DTNB: variants seen among roughly 807,000 people sequenced by gnomAD.
The protein encoded by DTNB is dystrobrevin beta.
Under a neutral mutation model 90.7 loss-of-function variants are expected in DTNB, and 63 were observed. The ratio of observed to expected loss-of-function variants is 0.69; its 90% CI spans 0.57 to 0.86. The LOEUF is 0.86. Ranked by LOEUF, DTNB falls within the 40% of genes least tolerant of loss-of-function variation. The probability of loss-of-function intolerance (pLI) is 0.00; values close to 1 mark genes in which losing one functional copy is unlikely to be tolerated. For synonymous variants in DTNB, 277 were observed against 286.7 expected, an observed-to-expected ratio of 0.97 and a Z score of 0.34; for missense variants, 744 against 807.1, an observed-to-expected ratio of 0.92 and a Z score of 0.95.
At chr2:25,563,253 G>A (rs191119225) in intron 8 of DTNB, among the ~76,000 whole-genome samples, 14 of 152,204 alleles carry the variant, frequency 9.2e-5, no homozygotes, top group East Asian at 1.9e-4. Flanking sequence ...AACTGATAAC[G>A]ACCATTCTAT....
intron 16 of DTNB, among the ~76,000 whole-genome samples, chr2:25,416,329 G>C (rs1001122516): frequency 6.6e-6 from 1 of 152,218 alleles, no homozygotes; most frequent in African/African-American, 2.4e-5. Flanking sequence ...GTTTTGGGAA[G>C]CACATCTAAT....
chr2:25,596,279 AATATC>A, intron 5 of DTNB, 39 bp from the exon 6 acceptor site: 1 of 1,549,794 alleles, frequency 6.5e-7, no homozygotes, highest in Non-Finnish European at 8.7e-7. Context: ...GCTATAAGGA[AATATC>A]AGCTTTTTAT....
At chr2:25,487,823 A>G (rs1024430651) in intron 9 of DTNB, among the ~76,000 whole-genome samples, 2 of 152,214 alleles carry the variant, frequency 1.3e-5, no homozygotes, top group African/African-American at 4.8e-5. Flanking sequence ...CTGGAAACGC[A>G]TGTGGAAAGG....
intron 9 of DTNB, among the ~76,000 whole-genome samples, chr2:25,526,395 A>ATATTTTTTTTTT: frequency 1.0e-4 from 5 of 49,856 alleles, no homozygotes; most frequent in African/African-American, 4.9e-4. Flanking sequence ...ATATATATAT[A>ATATTTTTTTTTT]TTTTTTTTTT....
chr2:25,431,019 T>C (rs2053682016), intron 14 of DTNB, among the ~76,000 whole-genome samples: 2 of 152,206 alleles, frequency 1.3e-5, no homozygotes, highest in African/African-American at 4.8e-5. Flanking sequence ...TGGCCTCATA[T>C]ATACTGATCA....
intron 9 of DTNB, among the ~76,000 whole-genome samples, chr2:25,490,024 C>T (rs1294667552): frequency 6.6e-6 from 1 of 152,142 alleles, no homozygotes; most frequent in Non-Finnish European, 1.5e-5. Flanking sequence ...GCCTGTAATC[C>T]CAGCACTCTG....
At chr2:25,664,623 C>A (rs2083985528) in intron 1 of DTNB, among the ~76,000 whole-genome samples, 1 of 152,184 alleles carries the variant, frequency 6.6e-6, no homozygotes, top group Non-Finnish European at 1.5e-5. Context: ...CTCATATTTT[C>A]TTGTAACACC....
intron 3 of DTNB, among the ~76,000 whole-genome samples, chr2:25,635,071 TAAAAAAAG>T (rs1483312460): frequency 8.1e-4 from 107 of 131,462 alleles, no homozygotes; most frequent in South Asian, 5.7e-3. Context: ...AATAAAAAAA[TAAAAAAAG>T]AAAAAAAAAA....
In DTNB at chr2:25,455,443, C is replaced by T; in HGVS notation, c.1131G>A (p.Leu377=). The T allele has an allele frequency of 6.2e-7, 1 of 1,606,430 alleles. No individual in the cohort carries two copies. The highest frequency in any genetic ancestry group is 8.5e-7 in the Non-Finnish European group (1 of 1,176,680). ...IPSHLADEHA[L]IASYVARLQH... ...GCAGACGGGCCACATAGGAGGCTAT[C>T]AGCGCATGCTCATCGGCCAAGTGAC... Residue 377 remains leucine, a synonymous_variant, in exon 11 of 21, where the codon CTG becomes CTA. Coordinates refer to ENST00000406818, the MANE Select transcript of DTNB (RefSeq NM_021907.5).
chr2:25,479,388 G>A (rs1004927623), intron 10 of DTNB, among the ~76,000 whole-genome samples: 4 of 152,286 alleles, frequency 2.6e-5, no homozygotes, highest in Admixed American at 6.5e-5. Flanking sequence ...ATTGGACAGG[G>A]GAGGGGTATT....
intron 4 of DTNB, among the ~76,000 whole-genome samples, chr2:25,616,873 A>G (rs1203420099): frequency 7.2e-6 from 1 of 139,148 alleles, no homozygotes; most frequent in Admixed American, 8.0e-5. Context: ...CGGAGCTTGC[A>G]GTGAGCCGAG....
At chr2:25,583,280 T>TAC (rs1285861927) in intron 6 of DTNB, among the ~76,000 whole-genome samples, 18 of 145,758 alleles carry the variant, frequency 1.2e-4, no homozygotes, top group African/African-American at 4.1e-4. Context: ...TATATATATA[T>TAC]ACACACACAT....
At chr2:25,657,732 CAAACA>C (rs2082338975) in intron 1 of DTNB, among the ~76,000 whole-genome samples, 1 of 151,826 alleles carries the variant, frequency 6.6e-6, no homozygotes, top group South Asian at 2.1e-4. Context: ...AACAAACAAA[CAAACA>C]AAACTCATAA....
intron 10 of DTNB, among the ~76,000 whole-genome samples, chr2:25,463,407 C>A (rs919380934): frequency 6.6e-6 from 1 of 152,164 alleles, no homozygotes; most frequent in Non-Finnish European, 1.5e-5. Flanking sequence ...GCTTACACTG[C>A]CCCAATAGCC....
chr2:25,632,475 T>C (rs993028709), intron 3 of DTNB, among the ~76,000 whole-genome samples: 2 of 152,196 alleles, frequency 1.3e-5, no homozygotes, highest in African/African-American at 2.4e-5. Context: ...AGTGTGGCAG[T>C]ACTGAGAGGT....
chr2:25,670,167 A>G (rs35542196), intron 1 of DTNB, among the ~76,000 whole-genome samples: 44,790 of 152,118 alleles, frequency 0.29, 7,552 homozygotes, highest in Non-Finnish European at 0.4. Context: ...AAAAAATCTC[A>G]AAATCATTCT....
intron 9 of DTNB, among the ~76,000 whole-genome samples, chr2:25,484,120 C>T (rs2065598569): frequency 6.6e-6 from 1 of 152,238 alleles, no homozygotes; most frequent in Middle Eastern, 3.4e-3. Context: ...CACCATATGG[C>T]CTAGGTATGA....
chr2:25,416,876 T>C (rs1574084689), intron 16 of DTNB, among the ~76,000 whole-genome samples: 1 of 150,574 alleles, frequency 6.6e-6, no homozygotes, highest in African/African-American at 2.5e-5. Flanking sequence ...TATATCATAG[T>C]TCTGTGTTAA....
intron 12 of DTNB, among the ~76,000 whole-genome samples, chr2:25,441,134 C>A (rs190436973): frequency 6.6e-6 from 1 of 152,212 alleles, no homozygotes; most frequent in African/African-American, 2.4e-5. Flanking sequence ...TGTGTAACAA[C>A]CCGATTCTTT....
Sources: gnomAD v4.1 joint callset for allele counts (sites outside exome capture counted in the v4.1 genomes callset) on GRCh38, gnomAD v4.1.1 for gene constraint, MANE v1.5 for transcripts, NCBI Gene and HGNC (gene_info 2026-07-23, HGNC 2026-07-21) for gene names.